Variants in ZCCHC7 observed in about 807,000 individuals in gnomAD.
ZCCHC7 encodes the protein zinc finger CCHC-type containing 7, also known as zinc finger CCHC domain-containing protein 7.
Under a neutral mutation model 52.0 loss-of-function variants are expected in ZCCHC7, and 35 were observed. That is an observed-to-expected ratio of 0.67 (90% CI 0.51 to 0.89). The LOEUF is 0.89. ZCCHC7 is among the 40% of genes least tolerant of loss of function. The pLI is 0.00. For synonymous variants in ZCCHC7, 217 were observed against 221.5 expected (o/e 0.98, Z 0.18); for missense variants, 574 against 649.1 (o/e 0.88, Z 1.26).
intron 5 of ZCCHC7, among the ~76,000 whole-genome samples, chr9:37,312,657 C>T (rs1359201609): frequency 1.3e-5 from 2 of 152,200 alleles, no homozygotes; most frequent in African/African-American, 4.8e-5. Flanking sequence ...GTGGCTCATG[C>T]CAGTAACCAC....
chr9:37,318,298 C>T (rs967857925), intron 5 of ZCCHC7, among the ~76,000 whole-genome samples: 12 of 151,832 alleles, frequency 7.9e-5, no homozygotes, highest in African/African-American at 2.9e-4. Context: ...CCCATCTGTA[C>T]TAAAAATACA....
At chr9:37,132,716 C>A (rs1264309827) in intron 2 of ZCCHC7, among the ~76,000 whole-genome samples, 2 of 152,206 alleles carry the variant, frequency 1.3e-5, no homozygotes, top group African/African-American at 2.4e-5. Context: ...TGCATATAAC[C>A]TATTTACATC....
At chr9:37,127,912 A>G (rs929932578) in intron 2 of ZCCHC7, among the ~76,000 whole-genome samples, 1 of 152,218 alleles carries the variant, frequency 6.6e-6, no homozygotes. Context: ...CTTGTGGGAA[A>G]GCAGCCTTAA....
chr9:37,188,252 A>G (rs968112501), intron 2 of ZCCHC7, among the ~76,000 whole-genome samples: 26 of 152,156 alleles, frequency 1.7e-4, no homozygotes, highest in Admixed American at 1.6e-3. Context: ...GGCTCAAGCA[A>G]TCCTCCTGCC....
At chr9:37,157,512 C>T (rs1376709480) in intron 2 of ZCCHC7, among the ~76,000 whole-genome samples, 1 of 151,932 alleles carries the variant, frequency 6.6e-6, no homozygotes, top group Non-Finnish European at 1.5e-5. Flanking sequence ...AGTTAACCTA[C>T]AGAATGAGAG....
chr9:37,141,135 C>G (rs925019750), intron 2 of ZCCHC7, among the ~76,000 whole-genome samples: 3 of 152,056 alleles, frequency 2.0e-5, no homozygotes, highest in Middle Eastern at 3.4e-3. Context: ...TACAGATTCT[C>G]TGCCTATTGT....
chr9:37,197,136 G>C (rs1005122674), intron 2 of ZCCHC7, among the ~76,000 whole-genome samples: 7 of 152,250 alleles, frequency 4.6e-5, no homozygotes, highest in African/African-American at 1.7e-4. Context: ...GATAATCAAA[G>C]CCAAGGTAGA....
intron 2 of ZCCHC7, among the ~76,000 whole-genome samples, chr9:37,292,979 A>G (rs1227337708): frequency 6.6e-6 from 1 of 152,198 alleles, no homozygotes; most frequent in South Asian, 2.1e-4. Flanking sequence ...GTGGAATTTT[A>G]AGACCTATTC....
chr9:37,201,113 T>C (rs982791897), intron 2 of ZCCHC7, among the ~76,000 whole-genome samples: 1 of 152,180 alleles, frequency 6.6e-6, no homozygotes, highest in Admixed American at 6.5e-5. Context: ...GAAGAAGATA[T>C]TAGTGAGAGT....
chr9:37,173,008 T>A (rs1821822768), intron 2 of ZCCHC7, among the ~76,000 whole-genome samples: 1 of 150,434 alleles, frequency 6.6e-6, no homozygotes, highest in Non-Finnish European at 1.5e-5. Flanking sequence ...GGCATTCCAG[T>A]AGGGACTTGA....
intron 2 of ZCCHC7, among the ~76,000 whole-genome samples, chr9:37,297,889 A>T (rs1211917652): frequency 6.6e-6 from 1 of 152,264 alleles, no homozygotes; most frequent in Admixed American, 6.5e-5. Flanking sequence ...ATGTAAGCAG[A>T]CTAAGTATAA....
chr9:37,274,896 A>G (rs1827610608), intron 2 of ZCCHC7, among the ~76,000 whole-genome samples: 1 of 151,892 alleles, frequency 6.6e-6, no homozygotes, highest in South Asian at 2.1e-4. Flanking sequence ...AGCACCATTT[A>G]TTGAATAAAT....
chr9:37,287,493 G>A (rs192807785), intron 2 of ZCCHC7, among the ~76,000 whole-genome samples: 2 of 151,994 alleles, frequency 1.3e-5, no homozygotes, highest in South Asian at 2.1e-4. Flanking sequence ...ATAACAAAGC[G>A]ACTTTGTTCT....
intron 6 of ZCCHC7, among the ~76,000 whole-genome samples, chr9:37,348,355 T>A (rs577288475): frequency 1.6e-5 from 2 of 125,612 alleles, no homozygotes; most frequent in Admixed American, 7.8e-5. Flanking sequence ...TCGTTCTTTC[T>A]TTCTTTCTTT....
intron 2 of ZCCHC7, among the ~76,000 whole-genome samples, chr9:37,130,134 G>C (rs868753086): frequency 1.3e-5 from 2 of 151,596 alleles, no homozygotes; most frequent in South Asian, 2.1e-4. Flanking sequence ...AGCTACTTGG[G>C]AGGCTAAGGC....
intron 5 of ZCCHC7, among the ~76,000 whole-genome samples, chr9:37,308,980 CAA>C (rs56871245): frequency 0.39 from 42,010 of 106,932 alleles, 6,001 homozygotes; most frequent in Middle Eastern, 0.46. Context: ...AGTCTGTATC[CAA>C]AAAAAAAAAA....
intron 3 of ZCCHC7, among the ~76,000 whole-genome samples, chr9:37,303,348 C>T (rs2133701023): frequency 6.6e-6 from 1 of 151,750 alleles, no homozygotes; most frequent in Non-Finnish European, 1.5e-5. Context: ...TCGCTTGAAC[C>T]CAGGGAGGTA....
At chr9:37,158,476 A>G (rs969822656) in intron 2 of ZCCHC7, among the ~76,000 whole-genome samples, 3 of 152,210 alleles carry the variant, frequency 2.0e-5, no homozygotes, top group Non-Finnish European at 2.9e-5. Flanking sequence ...TGATGTGGGA[A>G]CAGTGTGTAA....
Position 37,328,775 on chromosome 9 carries a change from C to G in ZCCHC7, c.987+941C>G, listed in dbSNP as rs946004012. ...AAGTAAACCAACAAGTAGACTCAAA[C>G]TACCTGTCTGTCTGTCACAGGCCCA... On this transcript the variant is annotated intron_variant, in intron 6 of 8. Coordinates refer to ENST00000336755, the MANE Select transcript of ZCCHC7 (RefSeq NM_032226.3). 3.9e-5 allele frequency among the ~76,000 whole-genome samples: 6 copies of G among 152,080 alleles called. No homozygotes were observed. The East Asian group carries it at 9.6e-4, about 24-fold the overall frequency.
Sources: allele counts gnomAD v4.1 joint callset (sites outside exome capture counted in the v4.1 genomes callset), GRCh38; gene constraint gnomAD v4.1.1; transcripts MANE v1.5; gene names NCBI Gene and HGNC (gene_info 2026-07-23, HGNC 2026-07-21).